The following ATF6 variants were observed in gnomAD, a reference collection of about 807,000 sequenced individuals.
The protein encoded by ATF6 is cyclic AMP-dependent transcription factor ATF-6 alpha.
Under a neutral mutation model 83.6 loss-of-function variants are expected in ATF6, and 53 were observed. The observed-to-expected ratio is 0.63, with a 90% CI of 0.51 to 0.80. The LOEUF (loss-of-function observed/expected upper bound fraction) is 0.80. Ranked by LOEUF, ATF6 falls within the 30% of genes least tolerant of loss-of-function variation. The pLI is 0.00. For missense variants in ATF6, 744 were observed against 797.9 expected, an observed-to-expected ratio of 0.93 and a Z score of 0.81; for synonymous variants, 288 against 285.8, an observed-to-expected ratio of 1.01 and a Z score of -0.08.
chr1:161,797,583 A>G (rs1373103019), intron 6 of ATF6, among the ~76,000 whole-genome samples: 1 of 152,196 alleles, frequency 6.6e-6, no homozygotes, highest in African/African-American at 2.4e-5. Context: ...CCAAAAAAAG[A>G]ATATAAAGTA....
At chr1:161,898,327 A>C (rs1373281129) in intron 14 of ATF6, among the ~76,000 whole-genome samples, 1 of 152,168 alleles carries the variant, frequency 6.6e-6, no homozygotes, top group East Asian at 1.9e-4. Flanking sequence ...AACCAAATAG[A>C]GGGTAGATTT....
chr1:161,892,827 G>A (rs1230601974), intron 14 of ATF6, among the ~76,000 whole-genome samples: 2 of 152,008 alleles, frequency 1.3e-5, no homozygotes, highest in Non-Finnish European at 2.9e-5. Flanking sequence ...TAGTAGAGAC[G>A]GGGTTTCGCC....
chr1:161,774,526 A>G (rs1684472012), intron 1 of ATF6, among the ~76,000 whole-genome samples: 1 of 151,798 alleles, frequency 6.6e-6, no homozygotes, highest in Non-Finnish European at 1.5e-5. Context: ...GAACTCTTGC[A>G]TGCCTTTTAC....
chr1:161,938,256 T>G (rs1406882420), intron 15 of ATF6, among the ~76,000 whole-genome samples: 1 of 152,234 alleles, frequency 6.6e-6, no homozygotes, highest in Non-Finnish European at 1.5e-5. Context: ...GTGCTACTAA[T>G]AGAAATTATA....
intron 10 of ATF6, among the ~76,000 whole-genome samples, chr1:161,849,780 C>T (rs1686570844): frequency 6.6e-6 from 1 of 152,168 alleles, no homozygotes; most frequent in Admixed American, 6.6e-5. Flanking sequence ...GACTTCTCTT[C>T]TGAGTCTCCA....
intron 6 of ATF6, among the ~76,000 whole-genome samples, chr1:161,801,621 T>C (rs2101754421): frequency 6.6e-6 from 1 of 152,216 alleles, no homozygotes; most frequent in Admixed American, 6.5e-5. Flanking sequence ...TGTTCAGATA[T>C]TTTTGGTATT....
chr1:161,781,837 T>A, intron 2 of ATF6, 75 bp from the exon 3 acceptor site: 1 of 971,876 alleles, frequency 1.0e-6, no homozygotes. Flanking sequence ...TGTGCCAAAT[T>A]GTGTCTCACA....
intron 9 of ATF6, among the ~76,000 whole-genome samples, chr1:161,823,637 A>G (rs549831907): frequency 3.3e-5 from 5 of 152,290 alleles, no homozygotes; most frequent in Admixed American, 6.5e-5. Context: ...GGTCAAATCA[A>G]TAGTTTCATA....
At chr1:161,906,398 A>T (rs1288156566) in intron 14 of ATF6, among the ~76,000 whole-genome samples, 3 of 152,230 alleles carry the variant, frequency 2.0e-5, no homozygotes, top group Admixed American at 1.3e-4. Flanking sequence ...AAAGAGAGGC[A>T]TATATTACTC....
intron 1 of ATF6, 73 bp from the exon 2 acceptor site, chr1:161,778,170 AG>A (rs1571120513): frequency 8.2e-7 from 1 of 1,219,648 alleles, no homozygotes. Flanking sequence ...GAGGTGACAT[AG>A]GGACACAGTG....
At chr1:161,853,141 A>C in intron 11 of ATF6, 83 bp from the exon 12 acceptor site, 1 of 980,346 alleles carries the variant, frequency 1.0e-6, no homozygotes. Context: ...AAATGATTAG[A>C]TTCATTTCCA....
intron 5 of ATF6, among the ~76,000 whole-genome samples, chr1:161,791,865 G>A (rs960962865): frequency 2.6e-5 from 4 of 152,164 alleles, no homozygotes; most frequent in African/African-American, 4.8e-5. Context: ...GTGTTATCCC[G>A]TGATTTTAGC....
intron 9 of ATF6, among the ~76,000 whole-genome samples, chr1:161,836,926 C>T (rs917067754): frequency 6.6e-6 from 1 of 152,138 alleles, no homozygotes; most frequent in Non-Finnish European, 1.5e-5. Flanking sequence ...CGGTGAGAAA[C>T]TAGGCCAGGT....
chr1:161,770,357 A>G (rs536902000), intron 1 of ATF6, among the ~76,000 whole-genome samples: 3 of 152,354 alleles, frequency 2.0e-5, no homozygotes, highest in Non-Finnish European at 2.9e-5. Flanking sequence ...CTAGGCTGCC[A>G]TAAGACAACA....
At chr1:161,893,996 A>G (rs1316629316) in intron 14 of ATF6, among the ~76,000 whole-genome samples, 1 of 152,152 alleles carries the variant, frequency 6.6e-6, no homozygotes, top group Non-Finnish European at 1.5e-5. Context: ...CCAACTCTGT[A>G]TCAAATTAAG....
intron 15 of ATF6, among the ~76,000 whole-genome samples, chr1:161,922,282 C>G (rs373488883): frequency 3.3e-5 from 5 of 152,156 alleles, no homozygotes; most frequent in South Asian, 4.1e-4. Flanking sequence ...AGGCCCAGGA[C>G]AGTCTGTCCC....
At chr1:161,909,322 G>A (rs1238592248) in intron 14 of ATF6, among the ~76,000 whole-genome samples, 2 of 152,140 alleles carry the variant, frequency 1.3e-5, no homozygotes, top group Admixed American at 6.5e-5. Context: ...AAGGAGGAGG[G>A]AAGCCTTCCA....
chr1:161,823,929 A>G (rs149550218), intron 9 of ATF6, among the ~76,000 whole-genome samples: 6 of 152,224 alleles, frequency 3.9e-5, no homozygotes, highest in Non-Finnish European at 7.4e-5. Context: ...ACTTGTTGAT[A>G]TGTGTACATA....
intron 14 of ATF6, among the ~76,000 whole-genome samples, chr1:161,870,179 T>C (rs1282378378): frequency 2.0e-5 from 3 of 151,872 alleles, no homozygotes; most frequent in African/African-American, 7.2e-5. Context: ...ATTACACAAC[T>C]TCAAAAATTG....
Sources: allele counts gnomAD v4.1 joint callset (sites outside exome capture counted in the v4.1 genomes callset), GRCh38; gene constraint gnomAD v4.1.1; transcripts MANE v1.5; gene names NCBI Gene and HGNC (gene_info 2026-07-23, HGNC 2026-07-21).